SLC11A2: variants seen among roughly 807,000 people sequenced by gnomAD.
SLC11A2 encodes solute carrier family 11 member 2.
A neutral mutation model predicts 68.0 loss-of-function variants in SLC11A2; 38 were observed. The ratio of observed to expected loss-of-function variants is 0.56; its 90% CI spans 0.43 to 0.73. The LOEUF is 0.73. Among genes scored for constraint, SLC11A2 ranks in the 30% least tolerant of loss-of-function variants. SLC11A2 has a pLI of 0.00. For synonymous variants in SLC11A2, 242 were observed against 250.6 expected (o/e 0.97, Z 0.32); for missense variants, 517 against 690.5 (o/e 0.75, Z 2.82).
chr12:50,965,752 C>G, the SLC11A2 span, among the ~76,000 whole-genome samples: 1 of 152,166 alleles, frequency 6.6e-6, no homozygotes, highest in Admixed American at 6.5e-5. Context: ...TTTTCCCTTC[C>G]TTGGTGAACA....
intron 1 of SLC11A2, among the ~76,000 whole-genome samples, chr12:51,015,999 G>A (rs545688745): frequency 6.6e-6 from 1 of 151,918 alleles, no homozygotes; most frequent in Non-Finnish European, 1.5e-5. Context: ...TGGCCAGGAT[G>A]GTCTCGATCT....
intron 2 of SLC11A2, chr12:51,009,330 C>G: frequency 8.1e-7 from 1 of 1,241,342 alleles, no homozygotes; most frequent in Non-Finnish European, 1.0e-6. Context: ...AGACTGATAT[C>G]AGCGTTTCCC....
At chr12:50,965,814 A>C in the SLC11A2 span, among the ~76,000 whole-genome samples, 1 of 152,196 alleles carries the variant, frequency 6.6e-6, no homozygotes, top group Non-Finnish European at 1.5e-5. Flanking sequence ...TAGAAGGAAG[A>C]CTTACATCTA....
chr12:50,984,340 A>G (rs1401740549), downstream of SLC11A2, among the ~76,000 whole-genome samples: 1 of 152,182 alleles, frequency 6.6e-6, no homozygotes, highest in Non-Finnish European at 1.5e-5. Flanking sequence ...TGGCTTTAGG[A>G]CATGGAAACA....
chr12:51,008,244 AG>A (rs1566020217), intron 3 of SLC11A2: 6 of 429,534 alleles, frequency 1.4e-5, no homozygotes, highest in African/African-American at 1.3e-4. Context: ...ATAGATAGAT[AG>A]ATAGATAGAT....
Position 51,000,508 on chromosome 12 carries a change from A to G in SLC11A2, c.430-89T>C, listed in dbSNP as rs1942109871. The G allele has an allele frequency of 4.2e-6, 4 of 963,320 alleles. No individual in the cohort carries two copies. The African/African-American group carries it at 6.4e-5, about 15-fold the overall frequency. The allele number at this position is 963,320 out of a possible 1,614,324, so 59.7% of individuals were successfully genotyped here. A position where few individuals can be genotyped will look rare whatever the true frequency, so the allele number is the denominator to read the frequency against. On this transcript the variant is annotated intron_variant, in intron 5 of 15. Coordinates refer to ENST00000262052, the MANE Select transcript of SLC11A2 (RefSeq NM_000617.3). ...TTTGGAATTCACATTTTGGCACTAAACCATAAACAGTCCTTTATAAGCCTC... is the reference window on the plus strand; with the variant it reads ...TTTGGAATTCACATTTTGGCACTAAGCCATAAACAGTCCTTTATAAGCCTC...
At chr12:50,995,543 A>T in intron 10 of SLC11A2, 86 bp downstream of exon 10, 1 of 1,272,080 alleles carries the variant, frequency 7.9e-7, no homozygotes, top group Non-Finnish European at 1.1e-6. Flanking sequence ...CATTAACACT[A>T]GGATGAGGTA....
chr12:50,957,916 C>G, the SLC11A2 span, among the ~76,000 whole-genome samples: 1 of 144,280 alleles, frequency 6.9e-6, no homozygotes, highest in African/African-American at 2.6e-5. Context: ...AATGGAGAGA[C>G]TACTGTATTC....
At chr12:51,014,127 T>C (rs1304303855) in intron 1 of SLC11A2, 3 of 152,254 alleles carry the variant, frequency 2.0e-5, no homozygotes, top group Non-Finnish European at 4.4e-5. Flanking sequence ...TGGACAAAAA[T>C]TTTTCTTTTA....
rs1214424382 is a variant in SLC11A2, at chr12:50,987,989, A to G, written c.*336T>C. 2 of 1,310,636 alleles carry G rather than the reference A, an allele frequency of 1.5e-6. No individual in the cohort carries two copies. The highest frequency in any genetic ancestry group is 4.5e-5 in the Admixed American group (2 of 44,096). The allele number at this position is 1,310,636 out of a possible 1,614,324, so 81.2% of individuals were successfully genotyped here. A position where few individuals can be genotyped will look rare whatever the true frequency, so the allele number is the denominator to read the frequency against. On this transcript the variant is annotated 3_prime_UTR_variant, in exon 16 of 16. Transcript: ENST00000262052. Reference sequence around the variant, plus strand: ...GTATTGCATTTTCCAATTTTTTTTTAACATATAGCCTGGTTAAGAATCATG... The same window carrying G: ...GTATTGCATTTTCCAATTTTTTTTTGACATATAGCCTGGTTAAGAATCATG...
chr12:51,023,807 C>T (rs1343195459), intron 1 of SLC11A2, among the ~76,000 whole-genome samples: 1 of 152,120 alleles, frequency 6.6e-6, no homozygotes, highest in Non-Finnish European at 1.5e-5. Context: ...ACCTGGGCAA[C>T]CTAGTAAGAC....
At chr12:51,004,745 C>T (rs757891088) in intron 5 of SLC11A2, 43 bp downstream of exon 5, 7 of 1,609,530 alleles carry the variant, frequency 4.3e-6, no homozygotes, top group Non-Finnish European at 5.9e-6. Flanking sequence ...ACACAGATTC[C>T]TATGGCATGG....
At chr12:51,028,384 C>T, upstream of SLC11A2, 1 of 547,914 alleles carries the variant, frequency 1.8e-6, no homozygotes, top group Non-Finnish European at 3.3e-6. Context: ...CCACGCCCTC[C>T]AAAGCCTAAT....
Position 50,988,111 on chromosome 12 carries a change from A to G in SLC11A2, c.*214T>C, listed in dbSNP as rs1940778370. On this transcript the variant is annotated 3_prime_UTR_variant, in exon 16 of 16. Transcript: ENST00000262052. ...TGATAGCAGCAAATGTCAGCTTTTC[A>G]AAGATCCCACCCTAATCCAGTTCTA... 6.7e-7 allele frequency: 1 copy of G among 1,485,270 alleles called. No homozygotes were observed. The highest frequency in any genetic ancestry group is 1.2e-5 in the South Asian group (1 of 82,724). 92.0% of individuals were successfully genotyped at this position (1,485,270 alleles called of 1,614,324 possible).
the SLC11A2 span, among the ~76,000 whole-genome samples, chr12:50,971,516 T>C: frequency 1.3e-5 from 2 of 152,238 alleles, no homozygotes; most frequent in Non-Finnish European, 2.9e-5. Flanking sequence ...GAAGTGCTAA[T>C]GCTAATGTGG....
chr12:51,003,855 G>A (rs1012862507), intron 5 of SLC11A2, among the ~76,000 whole-genome samples: 7 of 151,584 alleles, frequency 4.6e-5, no homozygotes, highest in African/African-American at 7.3e-5. Context: ...TGGGAGAATC[G>A]CTTGAGCCTG....
At chr12:50,959,909 C>CG in the SLC11A2 span, among the ~76,000 whole-genome samples, 6 of 152,226 alleles carry the variant, frequency 3.9e-5, no homozygotes, top group Non-Finnish European at 7.3e-5. Context: ...CTCAACCTCC[C>CG]AAAGTGCTGG....
At chr12:50,999,020 T>C (rs1030387127) in intron 8 of SLC11A2, among the ~76,000 whole-genome samples, 154 bp downstream of exon 8, 4 of 152,100 alleles carry the variant, frequency 2.6e-5, no homozygotes, top group Admixed American at 2.6e-4. Context: ...TCATATTCCT[T>C]TAAAATTGGC....
rs963851751 is a variant in SLC11A2, at chr12:51,025,743, T to A, written c.-39+567A>T. The stretch of plus-strand genomic sequence containing the variant: ...TGGAATCCAGAGGGTCCCTGAGAGC[T>A]ACACAAACAGCCTTAAAACCAATCT... On this transcript the variant is annotated intron_variant, in intron 1 of 15. Transcript: ENST00000262052. 4 of 985,378 alleles carry A rather than the reference T, an allele frequency of 4.1e-6. No individual in the cohort carries two copies. The African/African-American group carries it at 7.0e-5, about 17-fold the overall frequency. The allele number at this position is 985,378 out of a possible 1,614,324, so 61.0% of individuals were successfully genotyped here.
Sources: gnomAD v4.1 joint callset for allele counts (sites outside exome capture counted in the v4.1 genomes callset) on GRCh38, gnomAD v4.1.1 for gene constraint, MANE v1.5 for transcripts, NCBI Gene and HGNC (gene_info 2026-07-23, HGNC 2026-07-21) for gene names.